The following SYNPR variants were observed in gnomAD, a reference collection of about 807,000 sequenced individuals.
SYNPR encodes synaptoporin.
A neutral mutation model predicts 32.9 loss-of-function variants in SYNPR; 23 were observed. That is an observed-to-expected ratio of 0.70 (90% CI 0.50 to 0.99). The LOEUF (loss-of-function observed/expected upper bound fraction) is 0.99, where lower values mean the gene tolerates loss of function less well. Among genes scored for constraint, SYNPR ranks in the 50% least tolerant of loss-of-function variants. The pLI is 0.00. For missense variants in SYNPR, 318 were observed against 349.3 expected (o/e 0.91, Z 0.71); for synonymous variants, 146 against 135.9 (o/e 1.07, Z -0.52).
intron 2 of SYNPR, among the ~76,000 whole-genome samples, chr3:63,288,541 G>A (rs1177648561): frequency 2.0e-5 from 3 of 152,246 alleles, no homozygotes; most frequent in African/African-American, 7.2e-5. Context: ...TTCAGCACAT[G>A]GGCCTCCACT....
At chr3:63,318,959 CGTA>C (rs889983525) in intron 2 of SYNPR, among the ~76,000 whole-genome samples, 56 of 152,078 alleles carry the variant, frequency 3.7e-4, no homozygotes, top group Admixed American at 1.1e-3. Context: ...GTTCCCTTGA[CGTA>C]GTACTCTCCC....
At position 63,615,495 on chromosome 3, in the gene SYNPR, G is replaced by C; in HGVS notation, c.*14G>C. The C allele has an allele frequency of 6.2e-7, 1 of 1,606,524 alleles. No homozygotes were observed. The highest frequency in any genetic ancestry group is 1.1e-5 in the South Asian group (1 of 90,286). ...AATCAGATTTAACAGAGTAGCATTTGCATTCTTCTGCAGTCGCCTCACCAT... is the reference window on the plus strand; with the variant it reads ...AATCAGATTTAACAGAGTAGCATTTCCATTCTTCTGCAGTCGCCTCACCAT... On this transcript the variant is annotated 3_prime_UTR_variant, in exon 6 of 6. Coordinates refer to ENST00000478300, the MANE Select transcript of SYNPR (RefSeq NM_001130003.2).
At chr3:63,300,906 T>A (rs112277988) in intron 2 of SYNPR, among the ~76,000 whole-genome samples, 35 of 152,222 alleles carry the variant, frequency 2.3e-4, no homozygotes, top group Middle Eastern at 3.4e-3. Flanking sequence ...CTAGACAATC[T>A]GATCAAAGAT....
intron 1 of SYNPR, among the ~76,000 whole-genome samples, chr3:63,242,738 C>T (rs2367764): frequency 6.6e-6 from 1 of 151,894 alleles, no homozygotes; most frequent in East Asian, 1.9e-4. Context: ...GAGTGAAATG[C>T]TGCAACCAAA....
chr3:63,329,533 G>C (rs1234109341), intron 2 of SYNPR, among the ~76,000 whole-genome samples: 1 of 152,162 alleles, frequency 6.6e-6, no homozygotes, highest in East Asian at 1.9e-4. Context: ...CTGAATTAGA[G>C]AAAATCTCAA....
chr3:63,579,964 G>A (rs1471290676), intron 4 of SYNPR, among the ~76,000 whole-genome samples: 1 of 151,992 alleles, frequency 6.6e-6, no homozygotes, highest in African/African-American at 2.4e-5. Flanking sequence ...AATGAATTAT[G>A]AATTTTCATT....
At chr3:63,492,517 T>C (rs957090502) in intron 3 of SYNPR, among the ~76,000 whole-genome samples, 2 of 152,232 alleles carry the variant, frequency 1.3e-5, no homozygotes, top group African/African-American at 2.4e-5. Context: ...TAGGGCTTGC[T>C]CTGAAGCTTG....
intron 2 of SYNPR, among the ~76,000 whole-genome samples, chr3:63,345,030 G>T (rs940581725): frequency 3.3e-5 from 5 of 152,276 alleles, no homozygotes; most frequent in African/African-American, 1.2e-4. Flanking sequence ...CTAGTCTTAG[G>T]TCTTAGAATA....
chr3:63,358,636 A>G (rs918991380), intron 2 of SYNPR, among the ~76,000 whole-genome samples: 2 of 147,540 alleles, frequency 1.4e-5, no homozygotes, highest in Non-Finnish European at 3.0e-5. Flanking sequence ...AAAAAAAAAA[A>G]CCTAAGAATG....
chr3:63,265,991 T>A (rs2086482664), intron 2 of SYNPR, among the ~76,000 whole-genome samples: 2 of 152,214 alleles, frequency 1.3e-5, no homozygotes, highest in Admixed American at 6.5e-5. Context: ...GGAAGAGTAT[T>A]AAACATCATC....
At chr3:63,266,793 A>G (rs1320622242) in intron 2 of SYNPR, among the ~76,000 whole-genome samples, 1 of 151,838 alleles carries the variant, frequency 6.6e-6, no homozygotes, top group Non-Finnish European at 1.5e-5. Context: ...TGCTGGTTAT[A>G]TTTATGGAGG....
intron 4 of SYNPR, among the ~76,000 whole-genome samples, chr3:63,599,621 T>A (rs536937252): frequency 1.5e-3 from 233 of 152,294 alleles, no homozygotes; most frequent in Non-Finnish European, 2.0e-3. Flanking sequence ...ATCACCTTTT[T>A]TTCAGAACGT....
chr3:63,478,058 A>G (rs553015280), intron 2 of SYNPR, among the ~76,000 whole-genome samples: 5 of 152,354 alleles, frequency 3.3e-5, no homozygotes, highest in Non-Finnish European at 5.9e-5. Context: ...CTGGAAGCCC[A>G]TAGGTATCAT....
Position 63,602,617 on chromosome 3 carries a change from C to T in SYNPR, c.409-6508C>T, listed in dbSNP as rs117584700. On this transcript the variant is annotated intron_variant, in intron 4 of 5. Coordinates refer to ENST00000478300, the MANE Select transcript of SYNPR (RefSeq NM_001130003.2). ...TTGAAGAGGGAGTTCTTTCCTCATT[C>T]CTTGCTTTTCACAATTTTGTCAAAG... Among the ~76,000 whole-genome samples, 390 of 152,082 alleles carry T rather than the reference C, an allele frequency of 2.6e-3. 17 individuals carry two copies. The East Asian group carries it at 0.07, about 27-fold the overall frequency.
intron 3 of SYNPR, among the ~76,000 whole-genome samples, chr3:63,519,942 C>T (rs902490876): frequency 4.6e-5 from 7 of 152,182 alleles, no homozygotes; most frequent in African/African-American, 1.4e-4. Flanking sequence ...TTGTTTTAGA[C>T]AATATATGTG....
intron 2 of SYNPR, chr3:63,444,429 A>G (rs1007091683): frequency 6.6e-6 from 1 of 152,168 alleles, no homozygotes; most frequent in Admixed American, 6.5e-5. Context: ...TGATGCTTTA[A>G]TCTTCTCTTT....
intron 2 of SYNPR, among the ~76,000 whole-genome samples, chr3:63,426,374 C>A (rs1225034419): frequency 6.6e-6 from 1 of 152,194 alleles, no homozygotes; most frequent in African/African-American, 2.4e-5. Flanking sequence ...TCTTTCCCTA[C>A]TTTATGTCAG....
intron 2 of SYNPR, among the ~76,000 whole-genome samples, chr3:63,267,055 T>A (rs572627811): frequency 1.3e-4 from 20 of 152,160 alleles, no homozygotes; most frequent in Non-Finnish European, 2.5e-4. Context: ...CTTTAAGAAC[T>A]GATGTGCAAA....
At chr3:63,526,995 T>G (rs1428689320) in intron 3 of SYNPR, among the ~76,000 whole-genome samples, 1 of 151,984 alleles carries the variant, frequency 6.6e-6, no homozygotes, top group Non-Finnish European at 1.5e-5. Context: ...AAGCTCCAAA[T>G]AGGCCAGAGA....
Sources: gnomAD v4.1 joint callset for allele counts (sites outside exome capture counted in the v4.1 genomes callset) on GRCh38, gnomAD v4.1.1 for gene constraint, MANE v1.5 for transcripts, NCBI Gene and HGNC (gene_info 2026-07-23, HGNC 2026-07-21) for gene names.